Variants in EXOC6 observed in about 807,000 individuals in gnomAD.
EXOC6 encodes the protein SEC15-like 1.
Under a neutral mutation model 112.5 loss-of-function variants are expected in EXOC6, and 60 were observed. That is an observed-to-expected ratio of 0.53 (90% CI 0.43 to 0.66). The LOEUF (loss-of-function observed/expected upper bound fraction) is 0.66, where lower values mean the gene tolerates loss of function less well. Ranked by LOEUF, EXOC6 falls within the 30% of genes least tolerant of loss-of-function variation. The pLI is 0.00. For synonymous variants in EXOC6, 295 were observed against 308.0 expected, an observed-to-expected ratio of 0.96 and a Z score of 0.44; for missense variants, 855 against 957.1, an observed-to-expected ratio of 0.89 and a Z score of 1.41.
At chr10:92,958,263 G>A (rs1028737346) in intron 17 of EXOC6, among the ~76,000 whole-genome samples, 64 of 152,224 alleles carry the variant, frequency 4.2e-4, no homozygotes, top group African/African-American at 1.4e-3. Flanking sequence ...GGAAAAATTT[G>A]CATCAGTATA....
At chr10:92,992,835 A>G (rs796678105) in intron 18 of EXOC6, among the ~76,000 whole-genome samples, 19 of 151,998 alleles carry the variant, frequency 1.3e-4, no homozygotes, top group African/African-American at 4.6e-4. Flanking sequence ...ACTCTTTAGG[A>G]GAGCTACAAT....
chr10:92,898,510 T>G (rs1589790832), intron 4 of EXOC6, among the ~76,000 whole-genome samples: 1 of 152,076 alleles, frequency 6.6e-6, no homozygotes, highest in Non-Finnish European at 1.5e-5. Context: ...GAGGAAAGCA[T>G]TATTTTTATA....
Position 92,896,200 on chromosome 10 carries a change from T to A in EXOC6, c.412+1180T>A, listed in dbSNP as rs1158606627. On this transcript the variant is annotated intron_variant, in intron 4 of 21. Transcript: ENST00000260762. Reference sequence around the variant, plus strand: ...ATATATATTTTTTTTTTTTTTTTTTTTTTTTTTTTTTTTTTTTGGCGGAGT... The same window carrying A: ...ATATATATTTTTTTTTTTTTTTTTTATTTTTTTTTTTTTTTTTGGCGGAGT... Among the ~76,000 whole-genome samples, 162 of 49,942 alleles carry A rather than the reference T, an allele frequency of 3.2e-3. 9 individuals are homozygous for A. The highest frequency in any genetic ancestry group is 6.3e-3 in the East Asian group (12 of 1,892). The allele number at this position is 49,942 out of a possible 152,430, so 32.8% of individuals were successfully genotyped here. A position where few individuals can be genotyped will look rare whatever the true frequency, so the allele number is the denominator to read the frequency against.
At chr10:93,035,978 T>C (rs1845496458) in intron 20 of EXOC6, among the ~76,000 whole-genome samples, 1 of 152,068 alleles carries the variant, frequency 6.6e-6, no homozygotes, top group African/African-American at 2.4e-5. Flanking sequence ...CCCAGCACTT[T>C]GGGAGGCCGA....
At chr10:93,012,881 A>T (rs10748588) in intron 19 of EXOC6, among the ~76,000 whole-genome samples, 2 of 151,772 alleles carry the variant, frequency 1.3e-5, no homozygotes, top group East Asian at 3.9e-4. Context: ...AAAAACCCCC[A>T]AAAAAACAAA....
rs35156949 is a variant in EXOC6 at position 92,862,360 on chromosome 10, C to T, written c.101+13726C>T. ...CCCCCCATAATTCATATGTTAAAAC[C>T]TAAATCACCAATGTGATAGTTTGAG... On this transcript the variant is annotated intron_variant, in intron 1 of 21. Coordinates refer to ENST00000260762, the MANE Select transcript of EXOC6 (RefSeq NM_019053.6). 4.0e-5 allele frequency among the ~76,000 whole-genome samples: 6 copies of T among 151,830 alleles called. No homozygotes were observed. In the South Asian group the frequency reaches 1.3e-3, roughly 32 times the overall value.
intron 20 of EXOC6, among the ~76,000 whole-genome samples, chr10:93,016,341 A>G (rs899267840): frequency 1.3e-5 from 2 of 150,556 alleles, no homozygotes; most frequent in African/African-American, 2.5e-5. Context: ...GGGTTTTCCC[A>G]TGTTCACCAG....
upstream of EXOC6, among the ~76,000 whole-genome samples, chr10:92,832,141 C>T (rs926567387): frequency 6.6e-6 from 1 of 152,198 alleles, no homozygotes; most frequent in Admixed American, 6.5e-5. Flanking sequence ...CTGACAAACA[C>T]AATCTAGAAT....
At chr10:92,971,304 A>T (rs1208895027) in intron 17 of EXOC6, among the ~76,000 whole-genome samples, 1 of 151,880 alleles carries the variant, frequency 6.6e-6, no homozygotes, top group Non-Finnish European at 1.5e-5. Flanking sequence ...TTGGCCTCCC[A>T]AAGTGCTGGG....
At chr10:92,842,982 CCTGT>C in intron 1 of EXOC6, among the ~76,000 whole-genome samples, 1 of 152,156 alleles carries the variant, frequency 6.6e-6, no homozygotes, top group South Asian at 2.1e-4. Flanking sequence ...ATGAGCCAGC[CCTGT>C]CTGAGAGCTT....
intron 17 of EXOC6, among the ~76,000 whole-genome samples, chr10:92,958,923 G>A (rs1419776663): frequency 1.3e-5 from 2 of 152,038 alleles, no homozygotes; most frequent in Non-Finnish European, 2.9e-5. Flanking sequence ...GTGAAACCCT[G>A]TCTCTACTAA....
intron 20 of EXOC6, among the ~76,000 whole-genome samples, chr10:93,015,982 T>A (rs561042170): frequency 6.6e-6 from 1 of 152,338 alleles, no homozygotes; most frequent in East Asian, 1.9e-4. Context: ...TAGTAGAAAG[T>A]GAAGAAGGTG....
chr10:92,921,371 A>G (rs1169204794), intron 8 of EXOC6, among the ~76,000 whole-genome samples: 3 of 150,596 alleles, frequency 2.0e-5, no homozygotes, highest in East Asian at 1.9e-4. Context: ...CAGCCTCCCA[A>G]GTAGCTGGGT....
chr10:92,950,642 G>A (rs1195644389), intron 14 of EXOC6, among the ~76,000 whole-genome samples: 1 of 152,170 alleles, frequency 6.6e-6, no homozygotes, highest in East Asian at 1.9e-4. Flanking sequence ...AGTAGATGAA[G>A]TACAAGAGAT....
At chr10:92,899,174 A>G (rs916666414) in intron 4 of EXOC6, among the ~76,000 whole-genome samples, 10 of 152,060 alleles carry the variant, frequency 6.6e-5, no homozygotes, top group Non-Finnish European at 1.2e-4. Flanking sequence ...GTGTTATTTT[A>G]TTTGGTATGT....
intron 13 of EXOC6, among the ~76,000 whole-genome samples, chr10:92,947,505 T>TA (rs1564852858): frequency 6.6e-6 from 1 of 152,204 alleles, no homozygotes; most frequent in African/African-American, 2.4e-5. Flanking sequence ...ATCATGACAT[T>TA]ATGAGAGGCT....
intron 20 of EXOC6, among the ~76,000 whole-genome samples, chr10:93,017,414 C>A (rs976077018): frequency 1.3e-5 from 2 of 151,132 alleles, no homozygotes; most frequent in African/African-American, 4.9e-5. Flanking sequence ...CACGGTGAAA[C>A]CCTGTCTCTT....
intron 1 of EXOC6, among the ~76,000 whole-genome samples, chr10:92,853,374 T>C (rs943292650): frequency 2.0e-5 from 3 of 152,148 alleles, no homozygotes; most frequent in African/African-American, 4.8e-5. Flanking sequence ...AGAATGAAAA[T>C]TTATAGAAAT....
At chr10:92,911,133 A>G (rs922980420) in intron 6 of EXOC6, among the ~76,000 whole-genome samples, 4 of 152,230 alleles carry the variant, frequency 2.6e-5, no homozygotes, top group African/African-American at 9.6e-5. Flanking sequence ...ACAATGTCAT[A>G]GAAATAAAAC....
Sources: gnomAD v4.1 joint callset for allele counts (sites outside exome capture counted in the v4.1 genomes callset) on GRCh38, gnomAD v4.1.1 for gene constraint, MANE v1.5 for transcripts, NCBI Gene and HGNC (gene_info 2026-07-23, HGNC 2026-07-21) for gene names.